The following NUP107 variants were observed in gnomAD, a reference collection of about 807,000 sequenced individuals.
NUP107 encodes the protein nucleoporin 107.
NUP107 carries 101 observed loss-of-function variants against 141.0 expected under a neutral mutation model. That is an observed-to-expected ratio of 0.72 (90% CI 0.61 to 0.84). The LOEUF is 0.84. Among genes scored for constraint, NUP107 ranks in the 40% least tolerant of loss-of-function variants. The probability of loss-of-function intolerance (pLI) is 0.00; values close to 1 mark genes in which losing one functional copy is unlikely to be tolerated. For missense variants in NUP107, 941 were observed against 1,102.7 expected, an observed-to-expected ratio of 0.85 and a Z score of 2.08; for synonymous variants, 319 against 363.9, an observed-to-expected ratio of 0.88 and a Z score of 1.41.
At chr12:68,688,739 A>G (rs1257183094) in intron 1 of NUP107, among the ~76,000 whole-genome samples, 1 of 152,216 alleles carries the variant, frequency 6.6e-6, no homozygotes, top group Non-Finnish European at 1.5e-5. Flanking sequence ...TGAGTACTAG[A>G]AAGTCAGAGA....
chr12:68,713,710 G>A lies in NUP107; in HGVS notation c.891-20G>A. On this transcript the variant is annotated intron_variant, in intron 10 of 27. Coordinates refer to ENST00000229179, the MANE Select transcript of NUP107 (RefSeq NM_020401.4). ...TTAAAATTACCTCTTAAAAAATTTGGTACTTATTATTTCTTTCAGGGAAAA... is the reference window on the plus strand; with the variant it reads ...TTAAAATTACCTCTTAAAAAATTTGATACTTATTATTTCTTTCAGGGAAAA... The A allele has an allele frequency of 1.3e-6, 2 of 1,561,726 alleles. No individual in the cohort carries two copies. Among genetic ancestry groups the A allele is most frequent in the Non-Finnish European group, 1.7e-6 (2 of 1,149,528 alleles).
At chr12:68,724,427 T>C (rs1279339808) in intron 17 of NUP107, among the ~76,000 whole-genome samples, 2 of 152,138 alleles carry the variant, frequency 1.3e-5, no homozygotes, top group Admixed American at 6.5e-5. Flanking sequence ...GGGGTATTAC[T>C]TCTGGACAGA....
intron 22 of NUP107, 118 bp from the exon 23 acceptor site, chr12:68,732,519 T>C (rs1202712098): frequency 5.8e-6 from 3 of 518,490 alleles, no homozygotes; most frequent in Non-Finnish European, 1.0e-5. Flanking sequence ...TTGTATAACT[T>C]GAGAGAAAAT....
chr12:68,742,492 T>A lies in NUP107; in HGVS notation c.*30T>A, dbSNP rs748259881. On this transcript the variant is annotated 3_prime_UTR_variant, in exon 28 of 28. Transcript: ENST00000229179. ...ATCTTTGTAATCTCACTAATTTTCA[T>A]GATAAATGAAGTTTTTAATAAAATA... 7.3e-6 allele frequency: 9 copies of A among 1,231,186 alleles called. No individual in the cohort carries two copies. The Admixed American group carries it at 1.9e-4, about 25-fold the overall frequency. The allele number at this position is 1,231,186 out of a possible 1,614,324, so 76.3% of individuals were successfully genotyped here. A position where few individuals can be genotyped will look rare whatever the true frequency, so the allele number is the denominator to read the frequency against.
chr12:68,713,836 C>T (rs1434902177), intron 11 of NUP107, 28 bp downstream of exon 11: 2 of 1,556,428 alleles, frequency 1.3e-6, no homozygotes, highest in Non-Finnish European at 8.7e-7. Flanking sequence ...TGAAAGTTGC[C>T]TTCAAAGTTA....
chr12:68,696,839 GA>G lies in NUP107; in HGVS notation c.470del (p.Asp157ValfsTer7). 6.4e-7 allele frequency: 1 copy of G among 1,565,128 alleles called. No homozygotes were observed. The highest frequency in any genetic ancestry group is 1.1e-5 in the South Asian group (1 of 87,286). ...GEAASMSMFSDFLQSFLKHSS... is the reference protein window; with the variant it reads ...GEAASMSMFSXFLQSFLKHSS... ...TCTAGCATCCATGAGTATGTTTTCTGATTTCCTGCAGTCTTTTCTGAAGCAC... is the reference window on the plus strand; with the variant it reads ...TCTAGCATCCATGAGTATGTTTTCTGTTTCCTGCAGTCTTTTCTGAAGCAC... On this transcript the variant is annotated frameshift_variant, in exon 6 of 28. Coordinates refer to ENST00000229179, the MANE Select transcript of NUP107 (RefSeq NM_020401.4). LOFTEE classifies it high-confidence loss of function.
At chr12:68,702,870 T>G in intron 8 of NUP107, 86 bp downstream of exon 8, 1 of 715,242 alleles carries the variant, frequency 1.4e-6, no homozygotes, top group Non-Finnish European at 2.2e-6. Context: ...TGAGTTGGAG[T>G]TTCGCTCTTG....
At chr12:68,710,333 T>C (rs1565692992) in intron 10 of NUP107, among the ~76,000 whole-genome samples, 2 of 152,148 alleles carry the variant, frequency 1.3e-5, no homozygotes, top group Admixed American at 1.3e-4. Flanking sequence ...TTCGCATCCA[T>C]GGATTGAACA....
At chr12:68,687,480 C>T (rs1875555532) in intron 1 of NUP107, 1 of 1,041,804 alleles carries the variant, frequency 9.6e-7, no homozygotes, top group Admixed American at 5.2e-5. Flanking sequence ...ATTCTGAGTT[C>T]CCTCTATGAT....
intron 10 of NUP107, among the ~76,000 whole-genome samples, chr12:68,711,708 C>G (rs1023553142): frequency 3.3e-5 from 5 of 152,086 alleles, no homozygotes; most frequent in African/African-American, 1.2e-4. Context: ...TGGAATGACC[C>G]AGAGAACGTA....
chr12:68,701,112 A>G (rs1876307484), intron 7 of NUP107, among the ~76,000 whole-genome samples: 1 of 152,216 alleles, frequency 6.6e-6, no homozygotes, highest in Non-Finnish European at 1.5e-5. Context: ...CTTAGGCTAA[A>G]TTAAGAAAAG....
At position 68,744,398 on chromosome 12, in the gene NUP107, A is replaced by C. The variant is rs1304463829; in HGVS notation, c.*1936A>C. ...GTTTTTAATTTTTATTTATTTATTT[A>C]TTTTTGAGACATGGTCTTGCTCTGT... On this transcript the variant is annotated 3_prime_UTR_variant, in exon 28 of 28. Transcript: ENST00000229179. The C allele has an allele frequency of 6.6e-6, 1 of 151,886 alleles. No homozygotes were observed. The highest frequency in any genetic ancestry group is 1.5e-5 in the Non-Finnish European group (1 of 67,942). The allele number at this position is 151,886 out of a possible 1,614,324, so 9.4% of individuals were successfully genotyped here. A position where few individuals can be genotyped will look rare whatever the true frequency, so the allele number is the denominator to read the frequency against.
At chr12:68,712,144 A>G (rs1303403774) in intron 10 of NUP107, among the ~76,000 whole-genome samples, 1 of 152,172 alleles carries the variant, frequency 6.6e-6, no homozygotes, top group Non-Finnish European at 1.5e-5. Flanking sequence ...TTAAAAGGTC[A>G]GATTGTGGCT....
chr12:68,726,902 C>T (rs1436830046), intron 19 of NUP107, among the ~76,000 whole-genome samples: 3 of 152,170 alleles, frequency 2.0e-5, no homozygotes, highest in Non-Finnish European at 2.9e-5. Flanking sequence ...GCTAACTAAA[C>T]AAAGTGAGTG....
At chr12:68,709,894 A>AT (rs1565692774) in intron 9 of NUP107, 111 bp from the exon 10 acceptor site, 16 of 641,974 alleles carry the variant, frequency 2.5e-5, no homozygotes, top group Admixed American at 8.4e-5. Flanking sequence ...TTCTCAAAAA[A>AT]AAAAATAAAA....
intron 4 of NUP107, 33 bp from the exon 5 acceptor site, chr12:68,691,935 T>C: frequency 6.4e-7 from 1 of 1,552,406 alleles, no homozygotes; most frequent in Non-Finnish European, 8.7e-7. Flanking sequence ...TCCATCACTT[T>C]TCTGTATTTT....
At chr12:68,704,886 G>C (rs1240072170) in intron 8 of NUP107, among the ~76,000 whole-genome samples, 3 of 151,062 alleles carry the variant, frequency 2.0e-5, no homozygotes, top group Non-Finnish European at 4.4e-5. Context: ...TTTTTGGGGG[G>C]TGGCCAGCAC....
At chr12:68,706,182 T>C (rs1876571821) in intron 8 of NUP107, 2 of 766,710 alleles carry the variant, frequency 2.6e-6, no homozygotes, top group Non-Finnish European at 2.4e-6. Context: ...GAGGATGATA[T>C]CAAAAAGCAT....
In NUP107 at chr12:68,728,165, T is replaced by G. The variant is rs4913465; in HGVS notation, c.1734+776T>G. ...TTAGCAGGGCACAGTGGTTCATATCTGTAAACCCAGCTACTCGGGAGGCTG... is the reference window on the plus strand; with the variant it reads ...TTAGCAGGGCACAGTGGTTCATATCGGTAAACCCAGCTACTCGGGAGGCTG... On this transcript the variant is annotated intron_variant, in intron 20 of 27. Coordinates refer to ENST00000229179, the MANE Select transcript of NUP107 (RefSeq NM_020401.4). 1.5e-3 allele frequency among the ~76,000 whole-genome samples: 235 copies of G among 151,636 alleles called. 1 individual carries two copies. The highest frequency in any genetic ancestry group is 7.0e-3 in the Admixed American group (107 of 15,208).
Sources: allele counts gnomAD v4.1 joint callset (sites outside exome capture counted in the v4.1 genomes callset), GRCh38; gene constraint gnomAD v4.1.1; transcripts MANE v1.5; gene names NCBI Gene and HGNC (gene_info 2026-07-23, HGNC 2026-07-21).